Variants in TRMT9B observed in about 807,000 individuals in gnomAD.
The protein encoded by TRMT9B is probable tRNA methyltransferase 9B.
In TRMT9B, 16 loss-of-function variants were observed where a neutral mutation model predicts 11.5. That is an observed-to-expected ratio of 1.39 (90% CI 0.94 to 2.11). TRMT9B has a LOEUF of 2.11. Ranked by LOEUF, TRMT9B falls within the 30% of genes most tolerant of loss-of-function variation. The probability of loss-of-function intolerance (pLI) is 0.00; values close to 1 mark genes in which losing one functional copy is unlikely to be tolerated. For missense variants in TRMT9B, 941 were observed against 553.8 expected (o/e 1.70, Z -7.02); for synonymous variants, 274 against 192.4 (o/e 1.42, Z -3.51).
chr8:13,017,867 G>A (rs553920255), intron 4 of TRMT9B, among the ~76,000 whole-genome samples: 15 of 151,396 alleles, frequency 9.9e-5, no homozygotes, highest in Non-Finnish European at 2.1e-4. Flanking sequence ...CAAGTGATCC[G>A]CCCACCTCAG....
chr8:12,961,451 C>T (rs1448054275), intron 1 of TRMT9B, among the ~76,000 whole-genome samples: 1 of 151,914 alleles, frequency 6.6e-6, no homozygotes, highest in African/African-American at 2.4e-5. Flanking sequence ...CCTGTAATCC[C>T]AGCACTTTGG....
At chr8:13,017,514 C>G (rs1176228064) in intron 4 of TRMT9B, among the ~76,000 whole-genome samples, 1 of 152,020 alleles carries the variant, frequency 6.6e-6, no homozygotes, top group Non-Finnish European at 1.5e-5. Flanking sequence ...AATATATTCT[C>G]ACTTCCCATT....
Position 12,990,975 on chromosome 8 carries a change from A to G in TRMT9B, c.-58A>G. On this transcript the variant is annotated 5_prime_UTR_variant, in exon 2 of 5. Transcript: ENST00000524591. ...CAACTGTCACTCTCTGGAGGTGGAGACTGCCGTGATTCACAAAGACAAGAG... is the reference window on the plus strand; with the variant it reads ...CAACTGTCACTCTCTGGAGGTGGAGGCTGCCGTGATTCACAAAGACAAGAG... 3.9e-6 allele frequency: 5 copies of G among 1,287,104 alleles called. No individual in the cohort carries two copies. The South Asian group carries it at 5.0e-5, about 13-fold the overall frequency. 79.7% of individuals were successfully genotyped at this position (1,287,104 alleles called of 1,614,324 possible). A position where few individuals can be genotyped will look rare whatever the true frequency, so the allele number is the denominator to read the frequency against.
chr8:12,979,480 TAA>T (rs3830569), intron 1 of TRMT9B, among the ~76,000 whole-genome samples: 1 of 151,612 alleles, frequency 6.6e-6, no homozygotes, highest in African/African-American at 2.4e-5. Context: ...CATCTCAAAA[TAA>T]AAAAAAATAA....
At chr8:13,014,659 A>G (rs80187588) in intron 4 of TRMT9B, among the ~76,000 whole-genome samples, 3,477 of 152,308 alleles carry the variant, frequency 0.023, 125 homozygotes, top group African/African-American at 0.079. Flanking sequence ...CATTCAGTCT[A>G]TAACCCGGAG....
In TRMT9B at chr8:13,022,016, T is replaced by C. The variant is rs373685278; in HGVS notation, c.1337T>C (p.Ile446Thr). 5.2e-5 allele frequency: 84 copies of C among 1,601,314 alleles called. No individual in the cohort carries two copies. Among genetic ancestry groups the C allele is most frequent in the Middle Eastern group, 1.7e-4 (1 of 5,990 alleles). ...AATGATCATGGTAACTGGTGTATCA[T>C]TGCAGAGAAAAAGAGAGGTTGTGAT... ...SGNDHGNWCI[I>T]AEKKRGCD The change falls in exon 5 of 5, where the codon ATT becomes ACT. Residue 446 changes from isoleucine (I) to threonine (T), a missense_variant. Ile to Thr is a moderately conservative substitution (Grantham distance 89). Coordinates refer to ENST00000524591, the MANE Select transcript of TRMT9B (RefSeq NM_020844.3).
intron 2 of TRMT9B, among the ~76,000 whole-genome samples, chr8:13,003,284 A>T (rs530800065): frequency 6.6e-6 from 1 of 152,212 alleles, no homozygotes; most frequent in South Asian, 2.1e-4. Context: ...AAAAGCCACA[A>T]CCCGAGTCCC....
intron 1 of TRMT9B, among the ~76,000 whole-genome samples, chr8:12,967,247 TG>T (rs1178437222): frequency 1.3e-5 from 2 of 152,226 alleles, no homozygotes; most frequent in African/African-American, 4.8e-5. Context: ...TAAATACCAG[TG>T]GGTTGAACAA....
At chr8:12,976,614 A>T (rs1002425971) in intron 1 of TRMT9B, among the ~76,000 whole-genome samples, 1 of 152,168 alleles carries the variant, frequency 6.6e-6, no homozygotes, top group Non-Finnish European at 1.5e-5. Context: ...TAAAAATAAC[A>T]TATCAGTACA....
chr8:12,956,206 G>A (rs1307221958), intron 1 of TRMT9B, among the ~76,000 whole-genome samples: 4 of 152,196 alleles, frequency 2.6e-5, no homozygotes, highest in Admixed American at 6.5e-5. Context: ...GAAGGAGATA[G>A]GAGTGAATGT....
At position 12,990,835 on chromosome 8, in the gene TRMT9B, G is replaced by A; in HGVS notation, c.-198G>A. ...TAGTATTTGTTTTCTTCCTGATAGGGCCTGTGCTTCCTTCAGAGACTCACA... is the reference window on the plus strand; with the variant it reads ...TAGTATTTGTTTTCTTCCTGATAGGACCTGTGCTTCCTTCAGAGACTCACA... On this transcript the variant is annotated splice_region_variant and 5_prime_UTR_variant, in exon 2 of 5. Transcript: ENST00000524591. 7.8e-7 allele frequency: 1 copy of A among 1,288,698 alleles called. No homozygotes were observed. Among genetic ancestry groups the A allele is most frequent in the Non-Finnish European group, 1.0e-6 (1 of 987,908 alleles). 79.8% of individuals were successfully genotyped at this position (1,288,698 alleles called of 1,614,324 possible).
At chr8:12,948,218 C>G (rs1238847199) in intron 1 of TRMT9B, among the ~76,000 whole-genome samples, 1 of 151,994 alleles carries the variant, frequency 6.6e-6, no homozygotes, top group East Asian at 1.9e-4. Flanking sequence ...GCAAAACCAT[C>G]TAAGACAAAG....
In TRMT9B at chr8:13,023,097, G is replaced by C. The variant is rs1814213272; in HGVS notation, c.*1053G>C. On this transcript the variant is annotated 3_prime_UTR_variant, in exon 5 of 5. Coordinates refer to ENST00000524591, the MANE Select transcript of TRMT9B (RefSeq NM_020844.3). ...TGGTATTCTTCCAATCTTATTAGAAGCATGAATATTCAAGATTGATATTAC... is the reference window on the plus strand; with the variant it reads ...TGGTATTCTTCCAATCTTATTAGAACCATGAATATTCAAGATTGATATTAC... 1 of 167,182 alleles carries C rather than the reference G, an allele frequency of 6.0e-6. No individual in the cohort carries two copies. The highest frequency in any genetic ancestry group is 2.1e-4 in the South Asian group (1 of 4,826). The allele number at this position is 167,182 out of a possible 1,614,324, so 10.4% of individuals were successfully genotyped here. A position where few individuals can be genotyped will look rare whatever the true frequency, so the allele number is the denominator to read the frequency against.
intron 1 of TRMT9B, among the ~76,000 whole-genome samples, chr8:12,978,042 T>C (rs937376232): frequency 1.3e-5 from 2 of 151,898 alleles, no homozygotes; most frequent in African/African-American, 4.8e-5. Context: ...AAAAAGTAGA[T>C]GGATAGTGTG....
intron 1 of TRMT9B, among the ~76,000 whole-genome samples, chr8:12,968,716 C>G (rs533849521): frequency 2.6e-5 from 4 of 152,092 alleles, no homozygotes; most frequent in Non-Finnish European, 1.5e-5. Flanking sequence ...CCCTGAGTCG[C>G]GAGAGTGCAC....
chr8:12,977,050 G>A (rs1246581841), intron 1 of TRMT9B, among the ~76,000 whole-genome samples: 2 of 152,180 alleles, frequency 1.3e-5, no homozygotes, highest in Non-Finnish European at 2.9e-5. Context: ...AGCAGATGGT[G>A]TTGCAAATAG....
intron 4 of TRMT9B, among the ~76,000 whole-genome samples, chr8:13,020,704 G>C (rs1487704328): frequency 3.3e-5 from 5 of 152,190 alleles, no homozygotes; most frequent in Non-Finnish European, 1.5e-5. Context: ...AACTGGAAGA[G>C]ACTTTATGGA....
At chr8:12,955,706 A>G (rs926279073) in intron 1 of TRMT9B, among the ~76,000 whole-genome samples, 9 of 152,206 alleles carry the variant, frequency 5.9e-5, no homozygotes, top group African/African-American at 4.8e-5. Flanking sequence ...TAGGTTGCAG[A>G]TAATGGAAAC....
chr8:12,972,830 T>C (rs1803844596), intron 1 of TRMT9B, among the ~76,000 whole-genome samples: 1 of 152,242 alleles, frequency 6.6e-6, no homozygotes, highest in Admixed American at 6.5e-5. Flanking sequence ...TGGTAAAATA[T>C]GCATAATATA....
Sources: allele counts gnomAD v4.1 joint callset (sites outside exome capture counted in the v4.1 genomes callset), GRCh38; gene constraint gnomAD v4.1.1; transcripts MANE v1.5; gene names NCBI Gene and HGNC (gene_info 2026-07-23, HGNC 2026-07-21).